Variants in APBB1IP observed in about 807,000 individuals in gnomAD.
The protein encoded by APBB1IP is amyloid beta precursor protein binding family B member 1 interacting protein.
Under a neutral mutation model 64.9 loss-of-function variants are expected in APBB1IP, and 27 were observed. The ratio of observed to expected loss-of-function variants is 0.42; its 90% CI spans 0.31 to 0.57. APBB1IP has a LOEUF of 0.57. Ranked by LOEUF, APBB1IP falls within the 20% of genes least tolerant of loss-of-function variation. The pLI is 0.20. For missense variants in APBB1IP, 812 were observed against 845.5 expected (o/e 0.96, Z 0.49); for synonymous variants, 392 against 331.0 (o/e 1.18, Z -2.00).
chr10:26,511,728 C>G lies in APBB1IP; in HGVS notation c.532-19C>G. On this transcript the variant is annotated intron_variant, in intron 6 of 14. Coordinates refer to ENST00000376236, the MANE Select transcript of APBB1IP (RefSeq NM_019043.4). The stretch of plus-strand genomic sequence containing the variant: ...CCAGTTGCTGAAATTTACTGGCTGC[C>G]CCATGGTTCTATCCTCAGCTCGTCG... The G allele has an allele frequency of 6.2e-7, 1 of 1,610,080 alleles. No homozygotes were observed. Among genetic ancestry groups the G allele is most frequent in the Non-Finnish European group, 8.5e-7 (1 of 1,176,664 alleles).
At chr10:26,511,400 G>A (rs1018934795) in intron 6 of APBB1IP, among the ~76,000 whole-genome samples, 1 of 152,080 alleles carries the variant, frequency 6.6e-6, no homozygotes, top group African/African-American at 2.4e-5. Flanking sequence ...AAAGTTTCTG[G>A]GCTCCAGGAT....
At chr10:26,557,942 G>A (rs1836914527) in intron 11 of APBB1IP, among the ~76,000 whole-genome samples, 1 of 152,154 alleles carries the variant, frequency 6.6e-6, no homozygotes, top group African/African-American at 2.4e-5. Flanking sequence ...AGAGGTCCAT[G>A]CAATACCCTA....
At chr10:26,453,167 C>T (rs1835483618) in intron 2 of APBB1IP, among the ~76,000 whole-genome samples, 2 of 152,216 alleles carry the variant, frequency 1.3e-5, no homozygotes, top group African/African-American at 2.4e-5. Context: ...CTGTCAAAGT[C>T]GTGATTCTGA....
intron 9 of APBB1IP, 75 bp from the exon 10 acceptor site, chr10:26,535,999 A>G (rs1257426184): frequency 6.9e-7 from 1 of 1,452,948 alleles, no homozygotes; most frequent in Non-Finnish European, 9.2e-7. Flanking sequence ...GCTAATTTGT[A>G]AGTTTTTAAA....
intron 6 of APBB1IP, among the ~76,000 whole-genome samples, chr10:26,509,378 C>T (rs1836224641): frequency 6.6e-6 from 1 of 152,144 alleles, no homozygotes; most frequent in African/African-American, 2.4e-5. Context: ...TTGACTGCCC[C>T]ATGTCTACAT....
intron 8 of APBB1IP, among the ~76,000 whole-genome samples, chr10:26,522,918 C>T (rs1465298413): frequency 1.3e-5 from 2 of 148,746 alleles, no homozygotes; most frequent in Non-Finnish European, 3.0e-5. Flanking sequence ...GCAGGAGAAT[C>T]GCTTGAACCC....
chr10:26,438,550 G>C (rs1216318745), intron 1 of APBB1IP, 95 bp downstream of exon 1: 1 of 152,178 alleles, frequency 6.6e-6, no homozygotes, highest in Non-Finnish European at 1.5e-5. Context: ...GGGGTGGGAT[G>C]GGGGAGAGAA....
intron 2 of APBB1IP, among the ~76,000 whole-genome samples, chr10:26,476,463 AAAG>A (rs1225649890): frequency 1.3e-5 from 2 of 149,240 alleles, no homozygotes; most frequent in Non-Finnish European, 3.0e-5. Flanking sequence ...AAAAAAAAAA[AAAG>A]AAGAAAAGAA....
At chr10:26,550,395 G>A (rs1351796032) in intron 11 of APBB1IP, among the ~76,000 whole-genome samples, 1 of 151,510 alleles carries the variant, frequency 6.6e-6, no homozygotes, top group African/African-American at 2.4e-5. Context: ...ATGTAGATTT[G>A]CTCTTTTGAT....
At chr10:26,564,936 C>T (rs1418511494) in intron 14 of APBB1IP, among the ~76,000 whole-genome samples, 1 of 152,194 alleles carries the variant, frequency 6.6e-6, no homozygotes, top group Non-Finnish European at 1.5e-5. Flanking sequence ...CCAGCTGGAG[C>T]CAAGCTTGTA....
At chr10:26,474,436 T>A (rs967301615) in intron 2 of APBB1IP, among the ~76,000 whole-genome samples, 5 of 152,216 alleles carry the variant, frequency 3.3e-5, no homozygotes, top group African/African-American at 1.2e-4. Context: ...AGAATTTTAC[T>A]AATCGCCCAG....
intron 2 of APBB1IP, among the ~76,000 whole-genome samples, chr10:26,448,122 A>C (rs1336615529): frequency 6.9e-6 from 1 of 144,338 alleles, no homozygotes; most frequent in Non-Finnish European, 1.5e-5. Context: ...AAGTGACATA[A>C]ATTTTTACTA....
intron 2 of APBB1IP, among the ~76,000 whole-genome samples, chr10:26,476,062 C>G (rs936641799): frequency 1.4e-5 from 2 of 140,126 alleles, no homozygotes; most frequent in African/African-American, 2.6e-5. Context: ...TTTATAAAAA[C>G]TTTTTTTTTT....
intron 2 of APBB1IP, among the ~76,000 whole-genome samples, chr10:26,439,373 C>T (rs916069402): frequency 6.6e-6 from 1 of 152,268 alleles, no homozygotes; most frequent in Non-Finnish European, 1.5e-5. Flanking sequence ...TTTTGGACAA[C>T]TCTTTCCTCT....
chr10:26,551,489 A>G (rs1485419750), intron 11 of APBB1IP, among the ~76,000 whole-genome samples: 1 of 152,172 alleles, frequency 6.6e-6, no homozygotes, highest in Non-Finnish European at 1.5e-5. Flanking sequence ...AGCCCTCATA[A>G]AGGCACTTTT....
intron 2 of APBB1IP, among the ~76,000 whole-genome samples, chr10:26,455,455 G>A (rs1262764446): frequency 6.6e-6 from 1 of 151,636 alleles, no homozygotes; most frequent in Non-Finnish European, 1.5e-5. Context: ...TTGAACCCAG[G>A]AGGCAGAGGT....
Position 26,567,509 on chromosome 10 carries a change from C to A in APBB1IP, c.*21C>A, listed in dbSNP as rs774121180. 3 of 1,541,882 alleles carry A rather than the reference C, an allele frequency of 1.9e-6. No homozygotes were observed. In the South Asian group the frequency reaches 3.3e-5, roughly 17 times the overall value. ...CCTAGGGACGGGCATGATGAGTGTT[C>A]CAGAGGGAGAAGCATCGCTGACCCC... On this transcript the variant is annotated 3_prime_UTR_variant, in exon 15 of 15. Transcript: ENST00000376236.
chr10:26,496,246 T>C, intron 3 of APBB1IP, 58 bp from the exon 4 acceptor site: 5 of 1,296,326 alleles, frequency 3.9e-6, no homozygotes, highest in Non-Finnish European at 5.6e-6. Context: ...CTGAGTAAAG[T>C]GTGCTACAGA....
At chr10:26,554,280 A>G (rs1836867500) in intron 11 of APBB1IP, among the ~76,000 whole-genome samples, 1 of 152,242 alleles carries the variant, frequency 6.6e-6, no homozygotes, top group Non-Finnish European at 1.5e-5. Context: ...TGAAGAGTTC[A>G]GGAGACCAGA....
Sources: gnomAD v4.1 joint callset for allele counts (sites outside exome capture counted in the v4.1 genomes callset) on GRCh38, gnomAD v4.1.1 for gene constraint, MANE v1.5 for transcripts, NCBI Gene and HGNC (gene_info 2026-07-23, HGNC 2026-07-21) for gene names.